P2RX3: variants seen among roughly 807,000 people sequenced by gnomAD.
The protein encoded by P2RX3 is purinergic receptor P2X 3, also known as P2X purinoceptor 3.
P2RX3 carries 41 observed loss-of-function variants against 51.5 expected under a neutral mutation model. That is an observed-to-expected ratio of 0.80 (90% CI 0.62 to 1.03). P2RX3 has a LOEUF of 1.03. Among genes scored for constraint, P2RX3 ranks in the 50% least tolerant of loss-of-function variants. P2RX3 has a pLI of 0.00. For missense variants in P2RX3, 459 were observed against 522.1 expected (o/e 0.88, Z 1.18); for synonymous variants, 185 against 191.6 (o/e 0.97, Z 0.29).
At chr11:57,345,802 G>A (rs1236925981) in intron 1 of P2RX3, among the ~76,000 whole-genome samples, 1 of 152,156 alleles carries the variant, frequency 6.6e-6, no homozygotes, top group Non-Finnish European at 1.5e-5. Context: ...GAAGGCGCCA[G>A]TACAGGTAAA....
At chr11:57,347,219 G>A in intron 3 of P2RX3, 32 bp downstream of exon 3, 2 of 1,607,900 alleles carry the variant, frequency 1.2e-6, no homozygotes, top group East Asian at 4.5e-5. Context: ...GGTGAAGCAG[G>A]TCAAGGCTGA....
rs1183553337 is a variant in P2RX3 at position 57,350,296 on chromosome 11, CTTTTT to C, written c.705+415_705+419del. 534 of 108,802 alleles carry C rather than the reference CTTTTT, an allele frequency of 4.9e-3. 5 individuals carry two copies. The highest frequency in any genetic ancestry group is 7.1e-3 in the Non-Finnish European group (404 of 57,232). The allele number at this position is 108,802 out of a possible 1,614,324, so 6.7% of individuals were successfully genotyped here. A position where few individuals can be genotyped will look rare whatever the true frequency, so the allele number is the denominator to read the frequency against. ...CCAATGTTCGCATCCGAGCCACAAC[CTTTTT>C]TTTTTTTTTTTTTTTTGAGACAGAG... On this transcript the variant is annotated intron_variant, in intron 7 of 11. Coordinates refer to ENST00000263314, the MANE Select transcript of P2RX3 (RefSeq NM_002559.5).
At chr11:57,353,492 A>G (rs1239465527) in intron 8 of P2RX3, among the ~76,000 whole-genome samples, 1 of 152,220 alleles carries the variant, frequency 6.6e-6, no homozygotes, top group Admixed American at 6.5e-5. Context: ...GACTAGGGAC[A>G]TTTGTACTTG....
intron 7 of P2RX3, 168 bp from the exon 8 acceptor site, chr11:57,350,594 C>A (rs1482615168): frequency 7.8e-6 from 7 of 897,628 alleles, no homozygotes; most frequent in Non-Finnish European, 8.4e-6. Context: ...CACAGCACTT[C>A]TTTACTGAGC....
intron 8 of P2RX3, among the ~76,000 whole-genome samples, chr11:57,366,642 T>G (rs1369570224): frequency 6.6e-6 from 1 of 152,110 alleles, no homozygotes. Flanking sequence ...AATACCTGAA[T>G]CTGGGTAATT....
chr11:57,336,313 G>T (rs1856220590), upstream of P2RX3, among the ~76,000 whole-genome samples: 1 of 152,014 alleles, frequency 6.6e-6, no homozygotes, highest in South Asian at 2.1e-4. Flanking sequence ...CTGCTTTCTG[G>T]CTGAACTGTC....
At chr11:57,336,951 T>C (rs1316647872), upstream of P2RX3, among the ~76,000 whole-genome samples, 7 of 152,142 alleles carry the variant, frequency 4.6e-5, no homozygotes, top group Non-Finnish European at 8.8e-5. Flanking sequence ...TGAGGGCCTA[T>C]TACTACTTTA....
chr11:57,338,395 G>T lies in P2RX3; in HGVS notation c.-156G>T, dbSNP rs1162246773. ...GTATCAAGAGCAGAGAATCTCACTAGGATTGCATGGCTTAAAGGGACAGGC... is the reference window on the plus strand; with the variant it reads ...GTATCAAGAGCAGAGAATCTCACTATGATTGCATGGCTTAAAGGGACAGGC... On this transcript the variant is annotated 5_prime_UTR_variant, in exon 1 of 12. It adds an upstream start codon to the 5' untranslated region. Coordinates refer to ENST00000263314, the MANE Select transcript of P2RX3 (RefSeq NM_002559.5). The T allele has an allele frequency of 9.5e-6, 5 of 525,114 alleles. No individual in the cohort carries two copies. The highest frequency in any genetic ancestry group is 1.7e-5 in the Non-Finnish European group (5 of 286,092). The allele number at this position is 525,114 out of a possible 1,614,324, so 32.5% of individuals were successfully genotyped here. A position where few individuals can be genotyped will look rare whatever the true frequency, so the allele number is the denominator to read the frequency against.
intron 8 of P2RX3, among the ~76,000 whole-genome samples, chr11:57,359,780 G>A (rs1055903376): frequency 3.3e-5 from 5 of 152,204 alleles, no homozygotes; most frequent in African/African-American, 1.2e-4. Context: ...TCAGATCCCA[G>A]CTGTGCCCCT....
chr11:57,346,771 C>A (rs1337284114), intron 2 of P2RX3, 92 bp downstream of exon 2: 20 of 1,501,026 alleles, frequency 1.3e-5, no homozygotes, highest in Non-Finnish European at 1.8e-5. Flanking sequence ...AATGGGATTC[C>A]CAAACTAGAA....
At chr11:57,345,718 G>A (rs962530567) in intron 1 of P2RX3, among the ~76,000 whole-genome samples, 1 of 152,178 alleles carries the variant, frequency 6.6e-6, no homozygotes, top group Non-Finnish European at 1.5e-5. Context: ...GGCCAGGAAA[G>A]TCTGAGAAGG....
rs550674695 is a variant in P2RX3, at chr11:57,371,434, A to G, written c.*1437A>G. Among the ~76,000 whole-genome samples, 1 of 152,370 alleles carries G rather than the reference A, an allele frequency of 6.6e-6. No homozygotes were observed. The highest frequency in any genetic ancestry group is 2.1e-4 in the South Asian group (1 of 4,830). ...TCTGGCAGTCAGAGTGGGCATGATC[A>G]TGAGGTCTTAGCTGCACCAGCTCAA... is the stretch of plus-strand genomic sequence containing the variant. On this transcript the variant is annotated 3_prime_UTR_variant, in exon 12 of 12. Coordinates refer to ENST00000263314, the MANE Select transcript of P2RX3 (RefSeq NM_002559.5).
intron 6 of P2RX3, among the ~76,000 whole-genome samples, chr11:57,349,046 C>T (rs1318935064): frequency 6.6e-6 from 1 of 152,198 alleles, no homozygotes; most frequent in Admixed American, 6.5e-5. Flanking sequence ...TTTTTCCCCA[C>T]ATCTAGCCCA....
In P2RX3 at chr11:57,348,264, G is replaced by A. The variant is rs1265973823; in HGVS notation, c.485+1G>A. The A allele has an allele frequency of 3.1e-6, 5 of 1,598,600 alleles. No individual in the cohort carries two copies. Among genetic ancestry groups the A allele is most frequent in the Admixed American group, 1.7e-5 (1 of 57,516 alleles). On this transcript the variant is annotated splice_donor_variant, in intron 5 of 11. Transcript: ENST00000263314. LOFTEE classifies it high-confidence loss of function. ...CCACGGAGGTGGACACAGTGGAAAC[G>A]TAAGGCTCCAAGCCAGACAGGAGGA... is the stretch of plus-strand genomic sequence containing the variant.
intron 8 of P2RX3, among the ~76,000 whole-genome samples, chr11:57,365,691 A>G (rs1209340513): frequency 1.3e-5 from 2 of 152,202 alleles, no homozygotes; most frequent in African/African-American, 4.8e-5. Context: ...CTGAAGGCTA[A>G]GGAACACCAG....
chr11:57,368,127 G>A, intron 9 of P2RX3, 25 bp downstream of exon 9: 2 of 1,604,128 alleles, frequency 1.2e-6, no homozygotes, highest in Non-Finnish European at 1.7e-6. Flanking sequence ...CAGGCAGATG[G>A]GGTGGACAGG....
In P2RX3 at chr11:57,368,415, C is replaced by T. The variant is rs570530884; in HGVS notation, c.980C>T (p.Ala327Val). ...ATCCCCACCATCATCAGCTCTGTGG[C>T]GGCCTTTACTTCTGTGGGAGTGGTG... ...NIIPTIISSV[A>V]AFTSVGVGTV... The change falls in exon 10 of 12, where the codon GCG becomes GTG. Residue 327 changes from alanine (A) to valine (V), a missense_variant. Physicochemically the swap from Ala to Val is moderately conservative, Grantham distance 64 (BLOSUM62 0). Transcript: ENST00000263314. 23 of 1,614,038 alleles carry T rather than the reference C, an allele frequency of 1.4e-5. No individual in the cohort carries two copies. Among genetic ancestry groups the T allele is most frequent in the African/African-American group, 1.3e-5 (1 of 74,916 alleles).
In P2RX3 at chr11:57,338,481, C is replaced by A; in HGVS notation, c.-70C>A. 1 of 1,090,314 alleles carries A rather than the reference C, an allele frequency of 9.2e-7. No homozygotes were observed. Among genetic ancestry groups the A allele is most frequent in the Non-Finnish European group, 1.4e-6 (1 of 731,320 alleles). 67.5% of individuals were successfully genotyped at this position (1,090,314 alleles called of 1,614,324 possible). A position where few individuals can be genotyped will look rare whatever the true frequency, so the allele number is the denominator to read the frequency against. On this transcript the variant is annotated 5_prime_UTR_variant, in exon 1 of 12. In the 5' UTR this introduces an upstream ATG that the reference lacks. Coordinates refer to ENST00000263314, the MANE Select transcript of P2RX3 (RefSeq NM_002559.5). ...CAGGTCGTGATCTCGTCTCCCTGTC[C>A]TGTAGGACCTCCCTCTCCTGAGGCC... is the stretch of plus-strand genomic sequence containing the variant.
At chr11:57,359,423 G>A (rs3781899) in intron 8 of P2RX3, among the ~76,000 whole-genome samples, 51,743 of 152,030 alleles carry the variant, frequency 0.34, 10,550 homozygotes, top group East Asian at 0.65. Context: ...GGCCCACCAG[G>A]TAACCATCCC....
Sources: allele counts gnomAD v4.1 joint callset (sites outside exome capture counted in the v4.1 genomes callset), GRCh38; gene constraint gnomAD v4.1.1; transcripts MANE v1.5; gene names NCBI Gene and HGNC (gene_info 2026-07-23, HGNC 2026-07-21).